The following DOCK3 variants were observed in gnomAD, a reference collection of about 807,000 sequenced individuals.
The protein encoded by DOCK3 is dedicator of cytokinesis protein 3.
In DOCK3, 60 loss-of-function variants were observed where a neutral mutation model predicts 265.6. The observed-to-expected ratio is 0.23, with a 90% CI of 0.18 to 0.28. The LOEUF is 0.28. Among genes scored for constraint, DOCK3 ranks in the 10% least tolerant of loss-of-function variants. The pLI is 1.00. For missense variants in DOCK3, 1,981 were observed against 2,594.3 expected (o/e 0.76, Z 5.14); for synonymous variants, 881 against 938.0 (o/e 0.94, Z 1.11).
Position 50,918,754 on chromosome 3 carries a change from C to G in DOCK3, c.219-15227C>G, listed in dbSNP as rs369094918. Among the ~76,000 whole-genome samples, 403 of 152,238 alleles carry G rather than the reference C, an allele frequency of 2.6e-3. 1 individual carries two copies. The Middle Eastern group carries it at 0.061, about 23-fold the overall frequency. On this transcript the variant is annotated intron_variant, in intron 4 of 52. Coordinates refer to ENST00000266037, the MANE Select transcript of DOCK3 (RefSeq NM_004947.5). ...TAGTTTCTTTTGCTGTGTAGAAGCT[C>G]TTTAGTTTAATTAGATCCCATTTGT...
intron 7 of DOCK3, among the ~76,000 whole-genome samples, chr3:51,078,153 G>A (rs994774170): frequency 7.2e-5 from 11 of 152,154 alleles, no homozygotes; most frequent in African/African-American, 2.7e-4. Context: ...CCCAGCAGAA[G>A]AAAATGGTGA....
chr3:51,208,326 G>A (rs1486726684), intron 12 of DOCK3, among the ~76,000 whole-genome samples: 1 of 152,190 alleles, frequency 6.6e-6, no homozygotes, highest in African/African-American at 2.4e-5. Context: ...GCTTAGCAGG[G>A]CTTTCCATTG....
chr3:51,215,871 G>C (rs1487429688), intron 14 of DOCK3, among the ~76,000 whole-genome samples: 2 of 152,062 alleles, frequency 1.3e-5, no homozygotes, highest in African/African-American at 4.8e-5. Context: ...TGTTGTAGGG[G>C]TAATGACTGC....
At chr3:50,800,462 A>G (rs1285351196) in intron 2 of DOCK3, among the ~76,000 whole-genome samples, 2 of 151,812 alleles carry the variant, frequency 1.3e-5, no homozygotes, top group African/African-American at 4.8e-5. Context: ...TAGGTTTTTA[A>G]ATTTATTGAC....
chr3:51,304,783 C>T (rs2082562190), intron 27 of DOCK3, among the ~76,000 whole-genome samples: 1 of 152,182 alleles, frequency 6.6e-6, no homozygotes, highest in African/African-American at 2.4e-5. Context: ...TTCCGTGGGT[C>T]ATGCCAACCA....
chr3:51,384,150 A>C lies in DOCK3; in HGVS notation c.*2591A>C, dbSNP rs2088835961. 6.6e-6 allele frequency: 1 copy of C among 152,466 alleles called. No individual in the cohort carries two copies. Among genetic ancestry groups the C allele is most frequent in the Admixed American group, 6.5e-5 (1 of 15,270 alleles). The allele number at this position is 152,466 out of a possible 1,614,324, so 9.4% of individuals were successfully genotyped here. On this transcript the variant is annotated 3_prime_UTR_variant, in exon 53 of 53. Transcript: ENST00000266037. Reference sequence around the variant, plus strand: ...CTTGATTTTTTTTCCCCCTTTCCCCACTTCCTTGACTGCTGTGATGTGAAT... The same window carrying C: ...CTTGATTTTTTTTCCCCCTTTCCCCCCTTCCTTGACTGCTGTGATGTGAAT...
intron 4 of DOCK3, among the ~76,000 whole-genome samples, chr3:50,931,197 C>T (rs1467692755): frequency 6.6e-6 from 1 of 152,166 alleles, no homozygotes; most frequent in Non-Finnish European, 1.5e-5. Flanking sequence ...TTTCTCTATA[C>T]CACTTTTTAT....
At chr3:51,022,508 A>G (rs2079634765) in intron 5 of DOCK3, among the ~76,000 whole-genome samples, 1 of 152,184 alleles carries the variant, frequency 6.6e-6, no homozygotes, top group Non-Finnish European at 1.5e-5. Context: ...CTCCAGTTAC[A>G]TGTGTGTTAG....
At chr3:51,108,524 A>G (rs2083384882) in intron 9 of DOCK3, among the ~76,000 whole-genome samples, 1 of 152,212 alleles carries the variant, frequency 6.6e-6, no homozygotes, top group Non-Finnish European at 1.5e-5. Context: ...ACAGGATAAA[A>G]TTTACACATT....
intron 2 of DOCK3, among the ~76,000 whole-genome samples, chr3:50,783,473 C>T (rs1169067833): frequency 1.3e-5 from 2 of 152,018 alleles, no homozygotes; most frequent in Non-Finnish European, 2.9e-5. Context: ...TTGTCTATCT[C>T]CTTGAGAAGA....
In DOCK3 at chr3:51,090,343, C is replaced by A. The variant is rs1387935595; in HGVS notation, c.705C>A (p.Val235=). The change falls in exon 9 of 53, where the codon GTC becomes GTA. Residue 235 remains valine, a synonymous_variant. Transcript: ENST00000266037. Reference sequence around the variant, plus strand: ...ATACTATTGGGGAAGATACCGATGTCTTCTTTTCCTTATATGACATGAGGG... The same window carrying A: ...ATACTATTGGGGAAGATACCGATGTATTCTTTTCCTTATATGACATGAGGG... ...TYNTIGEDTD[V]FFSLYDMREG... 1.2e-6 allele frequency: 2 copies of A among 1,606,012 alleles called. No individual in the cohort carries two copies. Among genetic ancestry groups the A allele is most frequent in the Non-Finnish European group, 1.7e-6 (2 of 1,176,272 alleles).
chr3:50,793,358 C>CTTTTTTTTTTTT (rs568370017), intron 2 of DOCK3, among the ~76,000 whole-genome samples: 11 of 130,726 alleles, frequency 8.4e-5, no homozygotes, highest in East Asian at 2.2e-4. Flanking sequence ...TTTTCTTTTT[C>CTTTTTTTTTTTT]TTTTTTTTTT....
At position 51,293,302 on chromosome 3, in the gene DOCK3, G is replaced by C. The variant is rs1041251560; in HGVS notation, c.2922+13098G>C. Among the ~76,000 whole-genome samples the C allele has an allele frequency of 4.6e-5, 7 of 152,166 alleles. No homozygotes were observed. The East Asian group carries it at 1.3e-3, about 29-fold the overall frequency. ...ACACATTGACCAATAGAAGAGGATA[G>C]TGAGCCCAGAAATAAACCCACACAT... is the stretch of plus-strand genomic sequence containing the variant. On this transcript the variant is annotated intron_variant, in intron 27 of 52. Transcript: ENST00000266037.
intron 3 of DOCK3, among the ~76,000 whole-genome samples, chr3:50,846,479 G>A (rs1203890070): frequency 6.6e-6 from 1 of 152,102 alleles, no homozygotes; most frequent in Non-Finnish European, 1.5e-5. Flanking sequence ...TTTTTGTTGT[G>A]TCTTTGTAAG....
At chr3:51,217,522 T>A (rs938952215) in intron 14 of DOCK3, among the ~76,000 whole-genome samples, 12 of 152,216 alleles carry the variant, frequency 7.9e-5, no homozygotes, top group Non-Finnish European at 1.6e-4. Context: ...AGCCATTTTT[T>A]AAAAAACTGA....
At chr3:51,368,426 G>A (rs1370817220) in intron 49 of DOCK3, among the ~76,000 whole-genome samples, 1 of 152,190 alleles carries the variant, frequency 6.6e-6, no homozygotes, top group Non-Finnish European at 1.5e-5. Flanking sequence ...CTGACTCAGG[G>A]GATCCCACAC....
At chr3:51,216,382 G>A (rs1276488974) in intron 14 of DOCK3, among the ~76,000 whole-genome samples, 1 of 152,194 alleles carries the variant, frequency 6.6e-6, no homozygotes, top group Non-Finnish European at 1.5e-5. Context: ...GGTGAGGCAA[G>A]CTGAGGTTAA....
At chr3:51,223,596 A>G (rs1316166390) in intron 14 of DOCK3, among the ~76,000 whole-genome samples, 1 of 152,208 alleles carries the variant, frequency 6.6e-6, no homozygotes, top group Non-Finnish European at 1.5e-5. Flanking sequence ...GTGCTATATC[A>G]GTCTACAAAT....
chr3:51,146,397 G>A (rs2085304933), intron 9 of DOCK3, among the ~76,000 whole-genome samples, 152 bp from the exon 10 acceptor site: 1 of 152,208 alleles, frequency 6.6e-6, no homozygotes, highest in Non-Finnish European at 1.5e-5. Context: ...GGAAAAAAGA[G>A]GGTGTCCTGC....
Sources: gnomAD v4.1 joint callset for allele counts (sites outside exome capture counted in the v4.1 genomes callset) on GRCh38, gnomAD v4.1.1 for gene constraint, MANE v1.5 for transcripts, NCBI Gene and HGNC (gene_info 2026-07-23, HGNC 2026-07-21) for gene names.